PCDHGA11: variants seen among roughly 807,000 people sequenced by gnomAD.
PCDHGA11 encodes protocadherin gamma-A11.
In PCDHGA11, 39 loss-of-function variants were observed where a neutral mutation model predicts 60.4. That is an observed-to-expected ratio of 0.65 (90% CI 0.50 to 0.84). PCDHGA11 has a LOEUF of 0.84. Among genes scored for constraint, PCDHGA11 ranks in the 40% least tolerant of loss-of-function variants. The pLI is 0.00. For synonymous variants in PCDHGA11, 533 were observed against 510.3 expected, an observed-to-expected ratio of 1.04 and a Z score of -0.60; for missense variants, 1,165 against 1,197.7, an observed-to-expected ratio of 0.97 and a Z score of 0.40.
intron 1 of PCDHGA11, among the ~76,000 whole-genome samples, chr5:141,444,714 CTTGGTGCCT>C (rs2098445168): frequency 6.6e-6 from 1 of 152,122 alleles, no homozygotes; most frequent in Non-Finnish European, 1.5e-5. Context: ...GTTGAATTTG[CTTGGTGCCT>C]TTGTTGAAAG....
In PCDHGA11 at chr5:141,511,774, T is replaced by C. The variant is rs1173144009; in HGVS notation, c.*601T>C. 6.2e-6 allele frequency: 1 copy of C among 160,350 alleles called. No homozygotes were observed. The highest frequency in any genetic ancestry group is 1.4e-5 in the Non-Finnish European group (1 of 72,132). The allele number at this position is 160,350 out of a possible 1,614,324, so 9.9% of individuals were successfully genotyped here. A position where few individuals can be genotyped will look rare whatever the true frequency, so the allele number is the denominator to read the frequency against. On this transcript the variant is annotated 3_prime_UTR_variant, in exon 4 of 4. Coordinates refer to ENST00000398587, the MANE Select transcript of PCDHGA11 (RefSeq NM_018914.3). ...ATGATCACCATCCCCATGGTACTGA[T>C]GCTTGCTGGATTTAGGGAGGGCATT...
At chr5:141,427,869 A>G in intron 1 of PCDHGA11, 3 of 1,559,604 alleles carry the variant, frequency 1.9e-6, no homozygotes, top group Non-Finnish European at 2.6e-6. Flanking sequence ...CTTCGAGCTC[A>G]CGATGCAGGC....
At position 141,490,370 on chromosome 5, in the gene PCDHGA11, G is replaced by A. The variant is rs768474199; in HGVS notation, c.2434-4437G>A. Reference sequence around the variant, plus strand: ...GTGGGGTTGTTTAATGTGCGAGACCGGGACTCAGGTAGAAATGGTGAAGTG... The same window carrying A: ...GTGGGGTTGTTTAATGTGCGAGACCAGGACTCAGGTAGAAATGGTGAAGTG... On this transcript the variant is annotated intron_variant, in intron 1 of 3. Coordinates refer to ENST00000398587, the MANE Select transcript of PCDHGA11 (RefSeq NM_018914.3). The surrounding 1 kb of genome is among the most constrained non-coding windows in gnomAD (Gnocchi z 5.4). 32 of 1,614,054 alleles carry A rather than the reference G, an allele frequency of 2.0e-5. No homozygotes were observed. The highest frequency in any genetic ancestry group is 1.0e-4 in the Admixed American group (6 of 60,006).
chr5:141,501,314 C>G, intron 2 of PCDHGA11, among the ~76,000 whole-genome samples: 1 of 151,728 alleles, frequency 6.6e-6, no homozygotes, highest in Non-Finnish European at 1.5e-5. Flanking sequence ...CACACACACA[C>G]ACACACACAC....
chr5:141,490,488 C>A lies in PCDHGA11; in HGVS notation c.2434-4319C>A, dbSNP rs142637733. 6.2e-7 allele frequency: 1 copy of A among 1,614,018 alleles called. No homozygotes were observed. Among genetic ancestry groups the A allele is most frequent in the African/African-American group, 1.3e-5 (1 of 74,904 alleles). ...CCAGCCAGCCTTTGGACCGGGAGGC[C>A]ACATCCCACTATATCATCGAGCTGC... On this transcript the variant is annotated intron_variant, in intron 1 of 3. Coordinates refer to ENST00000398587, the MANE Select transcript of PCDHGA11 (RefSeq NM_018914.3). The surrounding 1 kb of genome is among the most constrained non-coding windows in gnomAD (Gnocchi z 5.4).
Position 141,487,892 on chromosome 5 carries a change from T to A in PCDHGA11, c.2434-6915T>A. On this transcript the variant is annotated intron_variant, in intron 1 of 3. Coordinates refer to ENST00000398587, the MANE Select transcript of PCDHGA11 (RefSeq NM_018914.3). The surrounding 1 kb of genome is among the most constrained non-coding windows in gnomAD (Gnocchi z 5.0). The stretch of plus-strand genomic sequence containing the variant: ...GAGCCAGGCTGTTGTGGAAGCATGA[T>A]GATGGAATGTGGGAGCACAGGAGGC... 1 of 731,410 alleles carries A rather than the reference T, an allele frequency of 1.4e-6. No homozygotes were observed. Among genetic ancestry groups the A allele is most frequent in the South Asian group, 1.8e-5 (1 of 54,120 alleles). The allele number at this position is 731,410 out of a possible 1,614,324, so 45.3% of individuals were successfully genotyped here. A position where few individuals can be genotyped will look rare whatever the true frequency, so the allele number is the denominator to read the frequency against.
Position 141,422,570 on chromosome 5 carries a change from A to G in PCDHGA11, c.1343A>G (p.Asp448Gly). ...HVWLNVADDN[D>G]NPPVFPHSSY... Reference sequence around the variant, plus strand: ...TGGCTGAATGTGGCAGATGACAACGATAACCCTCCCGTTTTTCCTCACTCC... The same window carrying G: ...TGGCTGAATGTGGCAGATGACAACGGTAACCCTCCCGTTTTTCCTCACTCC... Residue 448 changes from aspartate to glycine, a missense_variant, in exon 1 of 4, where the codon GAT becomes GGT. Transcript: ENST00000398587. The G allele has an allele frequency of 6.2e-7, 1 of 1,614,012 alleles. No individual in the cohort carries two copies. The highest frequency in any genetic ancestry group is 1.3e-5 in the African/African-American group (1 of 75,034).
chr5:141,463,373 GTCTGAAAGTT>G (rs1463437299), intron 1 of PCDHGA11, among the ~76,000 whole-genome samples: 1 of 147,058 alleles, frequency 6.8e-6, no homozygotes, highest in Non-Finnish European at 1.5e-5. Context: ...CTGCCCCACA[GTCTGAAAGTT>G]GTCTCCAGGC....
At chr5:141,423,750 T>TGG (rs144521096) in intron 1 of PCDHGA11, 90 bp downstream of exon 1, 9,462 of 287,056 alleles carry the variant, frequency 0.033, 140 homozygotes, top group African/African-American at 0.097. Flanking sequence ...GAAAACTGTT[T>TGG]GGGGGGGGGG....
At chr5:141,466,004 C>T (rs1336655723) in intron 1 of PCDHGA11, among the ~76,000 whole-genome samples, 1 of 151,920 alleles carries the variant, frequency 6.6e-6, no homozygotes, top group Non-Finnish European at 1.5e-5. Flanking sequence ...CACCTGTAGT[C>T]CCAGCTACTC....
chr5:141,510,621 A>G (rs1317150967), intron 3 of PCDHGA11, among the ~76,000 whole-genome samples: 1 of 152,176 alleles, frequency 6.6e-6, no homozygotes, highest in Non-Finnish European at 1.5e-5. Flanking sequence ...CACTAAAACC[A>G]GAAGAGGTGG....
At position 141,477,262 on chromosome 5, in the gene PCDHGA11, C is replaced by G; in HGVS notation, c.2434-17545C>G. On this transcript the variant is annotated intron_variant, in intron 1 of 3. Coordinates refer to ENST00000398587, the MANE Select transcript of PCDHGA11 (RefSeq NM_018914.3). The surrounding 1 kb of genome is among the most constrained non-coding windows in gnomAD (Gnocchi z 4.9). ...TCAGTGTGACTGACCTGGATGCTGG[C>G]GAGAACGGGCTGGTGACCTGCGAAG... The G allele has an allele frequency of 6.2e-7, 1 of 1,614,138 alleles. No homozygotes were observed.
At chr5:141,452,281 T>C (rs948141174) in intron 1 of PCDHGA11, among the ~76,000 whole-genome samples, 1 of 152,232 alleles carries the variant, frequency 6.6e-6, no homozygotes, top group African/African-American at 2.4e-5. Flanking sequence ...CCTTTCTTAC[T>C]TTCTGATATA....
chr5:141,432,305 G>T lies in PCDHGA11; in HGVS notation c.2433+8645G>T. 1 of 1,614,254 alleles carries T rather than the reference G, an allele frequency of 6.2e-7. No individual in the cohort carries two copies. Among genetic ancestry groups the T allele is most frequent in the African/African-American group, 1.3e-5 (1 of 75,072 alleles). ...CAACTCCGACACTGGGGTACTGTAT[G>T]CGCTGAGCTCCTTCGACTACGAGCA... On this transcript the variant is annotated intron_variant, in intron 1 of 3. Transcript: ENST00000398587. This position sits in a 1 kb window ranked among gnomAD's most constrained non-coding sequence, Gnocchi z 6.0.
At position 141,438,243 on chromosome 5, in the gene PCDHGA11, A is replaced by C. The variant is rs1445738408; in HGVS notation, c.2433+14583A>C. ...TGGTTCAGGAAAATGTTTTTAAAAA[A>C]CTGTCATTGAAGAGACCATAGAATC... On this transcript the variant is annotated intron_variant, in intron 1 of 3. Coordinates refer to ENST00000398587, the MANE Select transcript of PCDHGA11 (RefSeq NM_018914.3). Among the ~76,000 whole-genome samples, 3 of 152,250 alleles carry C rather than the reference A, an allele frequency of 2.0e-5. No individual in the cohort carries two copies. In the East Asian group the frequency reaches 5.8e-4, roughly 29 times the overall value.
At position 141,505,425 on chromosome 5, in the gene PCDHGA11, C is replaced by G; in HGVS notation, c.2525C>G (p.Pro842Arg). 1 of 1,614,178 alleles carries G rather than the reference C, an allele frequency of 6.2e-7. No individual in the cohort carries two copies. Among genetic ancestry groups the G allele is most frequent in the Non-Finnish European group, 8.5e-7 (1 of 1,180,014 alleles). ...SQNGDDTGTW[P>R]NNQFDTEMLQ... ...AATGGCGATGACACCGGCACCTGGC[C>G]CAACAACCAGTTTGACACAGAGATG... The change falls in exon 3 of 4, where the codon CCC becomes CGC. Residue 842 changes from proline to arginine, a missense_variant. Transcript: ENST00000398587.
chr5:141,497,110 C>T (rs964183820), intron 2 of PCDHGA11, among the ~76,000 whole-genome samples: 2 of 151,738 alleles, frequency 1.3e-5, no homozygotes, highest in African/African-American at 2.4e-5. Context: ...TGCTTGAACC[C>T]GGAAGGCAGA....
intron 1 of PCDHGA11, among the ~76,000 whole-genome samples, chr5:141,436,221 G>C (rs1468526543): frequency 6.6e-6 from 1 of 152,004 alleles, no homozygotes; most frequent in African/African-American, 2.4e-5. Context: ...CAAATGACTT[G>C]GGAAACTAAG....
intron 1 of PCDHGA11, among the ~76,000 whole-genome samples, chr5:141,455,603 C>T (rs1433078116): frequency 3.3e-5 from 5 of 152,190 alleles, no homozygotes; most frequent in Admixed American, 2.6e-4. Context: ...CGTAGGGCGC[C>T]ATGGATGTTC....
Sources: allele counts gnomAD v4.1 joint callset (sites outside exome capture counted in the v4.1 genomes callset), GRCh38; gene constraint gnomAD v4.1.1; non-coding constraint Gnocchi (gnomAD v3.1); transcripts MANE v1.5; gene names NCBI Gene and HGNC (gene_info 2026-07-23, HGNC 2026-07-21).